ZFPM2: variants seen among roughly 807,000 people sequenced by gnomAD.
ZFPM2 encodes zinc finger protein, FOG family member 2, also known as zinc finger protein ZFPM2.
In ZFPM2, 20 loss-of-function variants were observed where a neutral mutation model predicts 98.6. That is an observed-to-expected ratio of 0.20 (90% confidence interval 0.14 to 0.29). ZFPM2 has a LOEUF of 0.29. Among genes scored for constraint, ZFPM2 ranks in the 10% least tolerant of loss-of-function variants. The pLI is 1.00. For missense variants in ZFPM2, 1,310 were observed against 1,388.6 expected (o/e 0.94, Z 0.90); for synonymous variants, 518 against 502.7 (o/e 1.03, Z -0.41).
intron 3 of ZFPM2, among the ~76,000 whole-genome samples, chr8:105,485,295 T>TTTTG (rs373622425): frequency 1.5e-4 from 22 of 147,294 alleles, no homozygotes; most frequent in Admixed American, 7.3e-4. Flanking sequence ...GCTTGTTTTT[T>TTTTG]TTTGTTTGTT....
intron 5 of ZFPM2, among the ~76,000 whole-genome samples, chr8:105,706,346 A>G (rs768883565): frequency 1.3e-5 from 2 of 152,242 alleles, no homozygotes; most frequent in African/African-American, 4.8e-5. Flanking sequence ...AAAGCGTATG[A>G]CAGTATGCAA....
intron 1 of ZFPM2, among the ~76,000 whole-genome samples, chr8:105,357,422 T>A (rs1282043161): frequency 6.6e-6 from 1 of 152,222 alleles, no homozygotes; most frequent in Admixed American, 6.5e-5. Context: ...TTCTTATGCC[T>A]TTTTGCTTTT....
At position 105,318,845 on chromosome 8, in the gene ZFPM2, A is replaced by AGCG. The variant is rs1191717920; in HGVS notation, c.-71_-69dup. On this transcript the variant is annotated 5_prime_UTR_variant, in exon 1 of 8. Coordinates refer to ENST00000407775, the MANE Select transcript of ZFPM2 (RefSeq NM_012082.4). The stretch of plus-strand genomic sequence containing the variant: ...GGCCGGCGGCGGGCCGAGCCTGGCC[A>AGCG]GCGGCGGCGGCGGCGGCGGCGGCGG... 6.6e-4 allele frequency: 218 copies of AGCG among 331,938 alleles called. No homozygotes were observed. The highest frequency in any genetic ancestry group is 7.8e-4 in the Non-Finnish European group (210 of 269,804). 20.6% of individuals were successfully genotyped at this position (331,938 alleles called of 1,614,324 possible). A position where few individuals can be genotyped will look rare whatever the true frequency, so the allele number is the denominator to read the frequency against.
At chr8:105,362,175 A>G (rs909691098) in intron 1 of ZFPM2, among the ~76,000 whole-genome samples, 16 of 152,104 alleles carry the variant, frequency 1.1e-4, no homozygotes, top group African/African-American at 3.4e-4. Context: ...CTGAGACTCA[A>G]TTATAACTTT....
rs142133685 is a variant in ZFPM2, at chr8:105,586,002, G to GGTGTGT, written c.420+24554_420+24559dup. ...ATGTAGTGTGTATGTGGGGGGAAGG[G>GGTGTGT]GTGTGTGTGTGTGTGTGTGTGTGTG... On this transcript the variant is annotated intron_variant, in intron 4 of 7. Transcript: ENST00000407775. Among the ~76,000 whole-genome samples, 861 of 142,758 alleles carry GGTGTGT rather than the reference G, an allele frequency of 6.0e-3. 8 individuals carry two copies. Among genetic ancestry groups the GGTGTGT allele is most frequent in the African/African-American group, 0.017 (624 of 37,754 alleles). The allele number at this position is 142,758 out of a possible 152,430, so 93.7% of individuals were successfully genotyped here. A position where few individuals can be genotyped will look rare whatever the true frequency, so the allele number is the denominator to read the frequency against.
At chr8:105,456,885 G>A (rs1213664759) in intron 3 of ZFPM2, among the ~76,000 whole-genome samples, 4 of 152,058 alleles carry the variant, frequency 2.6e-5, no homozygotes, top group African/African-American at 7.2e-5. Context: ...TGTTAGCCAG[G>A]ACAGTGATCC....
At chr8:105,509,046 CG>C (rs562625345) in intron 3 of ZFPM2, among the ~76,000 whole-genome samples, 36 of 151,980 alleles carry the variant, frequency 2.4e-4, no homozygotes, top group South Asian at 4.2e-4. Context: ...AGTAGAGCGC[CG>C]GGCCCACAAG....
At chr8:105,524,797 T>C (rs1814139262) in intron 3 of ZFPM2, among the ~76,000 whole-genome samples, 1 of 152,158 alleles carries the variant, frequency 6.6e-6, no homozygotes, top group African/African-American at 2.4e-5. Flanking sequence ...GTGTCAACTT[T>C]CTTTTACGGC....
chr8:105,416,163 AT>A (rs1174896588), intron 1 of ZFPM2, among the ~76,000 whole-genome samples: 1 of 151,672 alleles, frequency 6.6e-6, no homozygotes, highest in Non-Finnish European at 1.5e-5. Context: ...ATGTATCTGT[AT>A]ATATATAAAA....
intron 1 of ZFPM2, among the ~76,000 whole-genome samples, chr8:105,357,199 T>A (rs1246895566): frequency 3.9e-5 from 6 of 152,176 alleles, no homozygotes; most frequent in Non-Finnish European, 8.8e-5. Context: ...CATATAAATC[T>A]TTCTGATTGA....
intron 5 of ZFPM2, among the ~76,000 whole-genome samples, chr8:105,651,986 G>A (rs1282825893): frequency 6.6e-6 from 1 of 152,026 alleles, no homozygotes; most frequent in African/African-American, 2.4e-5. Flanking sequence ...TATATACATA[G>A]CATATATTAT....
chr8:105,400,855 A>G (rs1240629049), intron 1 of ZFPM2, among the ~76,000 whole-genome samples: 1 of 152,100 alleles, frequency 6.6e-6, no homozygotes, highest in Non-Finnish European at 1.5e-5. Flanking sequence ...AGTGCTCAAC[A>G]TTGACACCGG....
At chr8:105,430,038 G>T (rs939743530) in intron 2 of ZFPM2, among the ~76,000 whole-genome samples, 3 of 152,210 alleles carry the variant, frequency 2.0e-5, no homozygotes. Context: ...AATACTGGGT[G>T]TCGCTTCAGA....
intron 1 of ZFPM2, among the ~76,000 whole-genome samples, chr8:105,354,818 G>T (rs1812709958): frequency 6.6e-6 from 1 of 152,070 alleles, no homozygotes; most frequent in Non-Finnish European, 1.5e-5. Context: ...GCTGGGCATG[G>T]TGGCACGCAC....
chr8:105,422,684 A>C (rs1245239310), intron 2 of ZFPM2, among the ~76,000 whole-genome samples: 1 of 152,178 alleles, frequency 6.6e-6, no homozygotes, highest in East Asian at 1.9e-4. Flanking sequence ...TGTTAAACAA[A>C]GGATATCTTA....
intron 5 of ZFPM2, among the ~76,000 whole-genome samples, chr8:105,786,032 A>G (rs929706457): frequency 4.2e-5 from 5 of 117,668 alleles, no homozygotes; most frequent in Admixed American, 1.1e-4. Context: ...ACAGAGGGAG[A>G]CTCCGTCTCA....
At chr8:105,795,775 C>T (rs1169845269) in intron 6 of ZFPM2, 2 of 485,654 alleles carry the variant, frequency 4.1e-6, no homozygotes, top group Admixed American at 4.2e-5. Flanking sequence ...TCATATGACA[C>T]AAAATCAGTC....
chr8:105,338,089 T>C (rs1172622201), intron 1 of ZFPM2, among the ~76,000 whole-genome samples: 1 of 151,808 alleles, frequency 6.6e-6, no homozygotes, highest in Non-Finnish European at 1.5e-5. Context: ...TAAAAACTCA[T>C]GAGTTATGCT....
intron 6 of ZFPM2, among the ~76,000 whole-genome samples, chr8:105,795,580 A>G (rs1379957894): frequency 3.3e-5 from 5 of 151,630 alleles, no homozygotes; most frequent in Non-Finnish European, 5.9e-5. Flanking sequence ...TCCTGGATAA[A>G]TCAAGACATC....
Sources: allele counts gnomAD v4.1 joint callset (sites outside exome capture counted in the v4.1 genomes callset), GRCh38; gene constraint gnomAD v4.1.1; transcripts MANE v1.5; gene names NCBI Gene and HGNC (gene_info 2026-07-23, HGNC 2026-07-21).